SLC25A26: variants seen among roughly 807,000 people sequenced by gnomAD.
The protein encoded by SLC25A26 is mitochondrial S-adenosylmethionine carrier protein.
In SLC25A26, 36 loss-of-function variants were observed where a neutral mutation model predicts 37.8. The ratio of observed to expected loss-of-function variants is 0.95; its 90% confidence interval spans 0.73 to 1.26. The LOEUF (loss-of-function observed/expected upper bound fraction) is 1.26, where lower values mean the gene tolerates loss of function less well. Ranked by LOEUF, SLC25A26 falls within the 50% of genes most tolerant of loss-of-function variation. SLC25A26 has a pLI of 0.00. For synonymous variants in SLC25A26, 129 were observed against 122.5 expected, an observed-to-expected ratio of 1.05 and a Z score of -0.35; for missense variants, 390 against 331.1, an observed-to-expected ratio of 1.18 and a Z score of -1.38.
At chr3:66,220,946 C>T (rs967995620), upstream of SLC25A26, 3 of 832,048 alleles carry the variant, frequency 3.6e-6, no homozygotes, top group African/African-American at 3.4e-5. Context: ...AGGTGTCTCG[C>T]GTTGCACGTG....
chr3:66,329,467 A>G (rs2075917853), intron 5 of SLC25A26, among the ~76,000 whole-genome samples: 1 of 152,154 alleles, frequency 6.6e-6, no homozygotes, highest in Non-Finnish European at 1.5e-5. Flanking sequence ...AATGAAAAAC[A>G]TTGTGATCAG....
At chr3:66,207,103 C>G (rs1264583398) in intron 1 of SLC25A26, among the ~76,000 whole-genome samples, 1 of 151,766 alleles carries the variant, frequency 6.6e-6, no homozygotes, top group East Asian at 1.9e-4. Context: ...AAACCTAATA[C>G]GATATTTTCT....
intron 1 of SLC25A26, among the ~76,000 whole-genome samples, chr3:66,165,285 T>C (rs945443581): frequency 2.3e-4 from 35 of 152,258 alleles, no homozygotes; most frequent in Admixed American, 8.5e-4. Flanking sequence ...TGCTGGCTGA[T>C]ATCTTGACTG....
intron 1 of SLC25A26, among the ~76,000 whole-genome samples, chr3:66,163,793 C>G (rs2070390661): frequency 6.6e-6 from 1 of 152,198 alleles, no homozygotes; most frequent in African/African-American, 2.4e-5. Flanking sequence ...TTTTGCATGA[C>G]AATTTATGGT....
chr3:66,266,102 TGTTTACTCAAAATGGCA>T (rs1425493293), intron 5 of SLC25A26, among the ~76,000 whole-genome samples: 1 of 152,230 alleles, frequency 6.6e-6, no homozygotes, highest in East Asian at 1.9e-4. Flanking sequence ...GAGATGACTT[TGTTTACTCAAAATGGCA>T]GCGTTTTGTT....
intron 5 of SLC25A26, among the ~76,000 whole-genome samples, chr3:66,324,910 C>CA (rs1357543563): frequency 6.6e-6 from 1 of 151,672 alleles, no homozygotes; most frequent in Non-Finnish European, 1.5e-5. Flanking sequence ...ATTATAGCGA[C>CA]AAAAGACAGA....
At chr3:66,236,193 C>T (rs1442199009) in intron 1 of SLC25A26, among the ~76,000 whole-genome samples, 1 of 138,458 alleles carries the variant, frequency 7.2e-6, no homozygotes, top group Non-Finnish European at 1.5e-5. Context: ...AGGCATGAGC[C>T]ACCACATCTG....
At chr3:66,233,768 G>A (rs1559597716) in intron 1 of SLC25A26, among the ~76,000 whole-genome samples, 1 of 151,970 alleles carries the variant, frequency 6.6e-6, no homozygotes, top group South Asian at 2.1e-4. Flanking sequence ...CGATAGAAGC[G>A]TTTAGTAATC....
At chr3:66,330,263 A>G (rs2075939823) in intron 5 of SLC25A26, among the ~76,000 whole-genome samples, 1 of 152,180 alleles carries the variant, frequency 6.6e-6, no homozygotes, top group African/African-American at 2.4e-5. Flanking sequence ...GAGGAAGATT[A>G]GAAGTTGAGT....
At chr3:66,273,845 A>G (rs866472003) in intron 5 of SLC25A26, among the ~76,000 whole-genome samples, 33 of 152,198 alleles carry the variant, frequency 2.2e-4, no homozygotes, top group African/African-American at 7.2e-4. Context: ...TTTAGATTCA[A>G]TGCCATCCCC....
chr3:66,224,945 C>G lies in SLC25A26; in HGVS notation c.33+3818C>G, dbSNP rs531242765. Among the ~76,000 whole-genome samples the G allele has an allele frequency of 1.3e-5, 2 of 152,344 alleles. 1 individual carries two copies. The highest frequency in any genetic ancestry group is 4.1e-4 in the South Asian group (2 of 4,832). ...TCATCTCCTTTGACTCCATGTCTTA[C>G]ATCCAGGTCACGCTGCTGTAAGAGG... On this transcript the variant is annotated intron_variant, in intron 1 of 9. Coordinates refer to ENST00000354883, the MANE Select transcript of SLC25A26 (RefSeq NM_001379210.1).
At chr3:66,190,574 G>A (rs1267517830) in intron 1 of SLC25A26, among the ~76,000 whole-genome samples, 8 of 151,996 alleles carry the variant, frequency 5.3e-5, no homozygotes, top group African/African-American at 7.2e-5. Context: ...GATTACAGGT[G>A]TGCACACCCG....
intron 9 of SLC25A26, among the ~76,000 whole-genome samples, chr3:66,371,728 C>A (rs1368856414): frequency 6.6e-6 from 1 of 152,110 alleles, no homozygotes; most frequent in Non-Finnish European, 1.5e-5. Flanking sequence ...ATTAATTCTG[C>A]TGCCAGTTCC....
At chr3:66,207,926 A>G (rs1465303842) in intron 1 of SLC25A26, among the ~76,000 whole-genome samples, 1 of 152,212 alleles carries the variant, frequency 6.6e-6, no homozygotes. Context: ...TAGAGGTAGC[A>G]TTCTTGTGGG....
At chr3:66,278,469 T>G (rs1025608923) in intron 5 of SLC25A26, among the ~76,000 whole-genome samples, 28 of 152,104 alleles carry the variant, frequency 1.8e-4, no homozygotes, top group Non-Finnish European at 4.1e-4. Context: ...TTAACTGTTT[T>G]ATTTTTAGTT....
intron 5 of SLC25A26, among the ~76,000 whole-genome samples, chr3:66,333,464 T>C (rs2076023773): frequency 6.6e-6 from 1 of 152,236 alleles, no homozygotes; most frequent in Non-Finnish European, 1.5e-5. Flanking sequence ...TGTTTTTAGA[T>C]GTGGGAAAGC....
chr3:66,287,732 C>T (rs567550191), intron 5 of SLC25A26, among the ~76,000 whole-genome samples: 6 of 152,278 alleles, frequency 3.9e-5, no homozygotes, highest in Non-Finnish European at 8.8e-5. Context: ...CTTACAATAT[C>T]CTATAAAATA....
At chr3:66,252,610 CAA>C (rs2073128017) in intron 3 of SLC25A26, among the ~76,000 whole-genome samples, 1 of 152,232 alleles carries the variant, frequency 6.6e-6, no homozygotes, top group Non-Finnish European at 1.5e-5. Context: ...CAGCACTTAA[CAA>C]AGTGTCCAGC....
chr3:66,209,903 TATATATATATATATA>T lies in SLC25A26; in HGVS notation c.-353-10838_-353-10824del, dbSNP rs2071259010. ...TCCTCTCTCTCTCTCTCTATTTATA[TATATATATATATATA>T]TATATATATATATATATATATATAT... is the stretch of plus-strand genomic sequence containing the variant. On this transcript the variant is annotated intron_variant, in intron 1 of 10. Transcript: ENST00000676754. Among the ~76,000 whole-genome samples the T allele has an allele frequency of 3.3e-3, 55 of 16,606 alleles. 2 individuals carry two copies. The highest frequency in any genetic ancestry group is 0.013 in the African/African-American group (52 of 4,000). 10.9% of individuals were successfully genotyped at this position (16,606 alleles called of 152,430 possible).
Sources: gnomAD v4.1 joint callset for allele counts (sites outside exome capture counted in the v4.1 genomes callset) on GRCh38, gnomAD v4.1.1 for gene constraint, MANE v1.5 for transcripts, NCBI Gene and HGNC (gene_info 2026-07-23, HGNC 2026-07-21) for gene names.